The following ADGRL3 variants were observed in gnomAD, a reference collection of about 807,000 sequenced individuals.
ADGRL3 encodes adhesion G protein-coupled receptor L3.
Under a neutral mutation model 153.5 loss-of-function variants are expected in ADGRL3, and 62 were observed. That is an observed-to-expected ratio of 0.40 (90% CI 0.33 to 0.50). ADGRL3 has a LOEUF of 0.50. Ranked by LOEUF, ADGRL3 falls within the 20% of genes least tolerant of loss-of-function variation. The probability of loss-of-function intolerance (pLI) is 0.47; values close to 1 mark genes in which losing one functional copy is unlikely to be tolerated. For synonymous variants in ADGRL3, 710 were observed against 672.5 expected (o/e 1.06, Z -0.86); for missense variants, 1,641 against 1,859.4 (o/e 0.88, Z 2.16).
chr4:61,489,012 T>G (rs761269806), intron 2 of ADGRL3, among the ~76,000 whole-genome samples: 104 of 152,098 alleles, frequency 6.8e-4, no homozygotes, highest in Non-Finnish European at 1.3e-3. Context: ...TCATTTACCA[T>G]TTATGACCCC....
chr4:61,238,144 A>G (rs1368558428), intron 1 of ADGRL3, among the ~76,000 whole-genome samples: 1 of 152,196 alleles, frequency 6.6e-6, no homozygotes, highest in Non-Finnish European at 1.5e-5. Flanking sequence ...TTGAACAGTA[A>G]TTAGCATTTG....
intron 21 of ADGRL3, among the ~76,000 whole-genome samples, chr4:62,000,171 T>C (rs1359883376): frequency 6.6e-6 from 1 of 151,738 alleles, no homozygotes; most frequent in Non-Finnish European, 1.5e-5. Context: ...CTATCAGAAA[T>C]AAGGGAATAA....
At chr4:62,055,758 T>A (rs1368621724) in intron 25 of ADGRL3, among the ~76,000 whole-genome samples, 1 of 151,774 alleles carries the variant, frequency 6.6e-6, no homozygotes, top group South Asian at 2.1e-4. Context: ...AATCATTGTT[T>A]GTACTTTCTG....
chr4:61,532,718 G>T (rs148986611), intron 4 of ADGRL3, among the ~76,000 whole-genome samples: 2 of 150,838 alleles, frequency 1.3e-5, no homozygotes, highest in African/African-American at 4.9e-5. Context: ...GAGTAAAACC[G>T]ATAGTAACAC....
intron 9 of ADGRL3, among the ~76,000 whole-genome samples, chr4:61,889,480 G>A (rs1394574850): frequency 6.6e-6 from 1 of 152,144 alleles, no homozygotes; most frequent in African/African-American, 2.4e-5. Context: ...AGGGCAGACA[G>A]AAACCATTTA....
intron 8 of ADGRL3, among the ~76,000 whole-genome samples, chr4:61,799,774 C>A (rs986417729): frequency 2.3e-4 from 35 of 152,066 alleles, no homozygotes; most frequent in African/African-American, 8.5e-4. Context: ...GTCTCAGAGG[C>A]AGCAACTGTG....
At chr4:61,434,571 G>C (rs977562969) in intron 2 of ADGRL3, among the ~76,000 whole-genome samples, 3 of 151,762 alleles carry the variant, frequency 2.0e-5, no homozygotes, top group Non-Finnish European at 4.4e-5. Context: ...CACACAGAAT[G>C]GTTTCTTTCT....
chr4:61,285,171 A>G (rs1445958583), intron 1 of ADGRL3, among the ~76,000 whole-genome samples: 1 of 151,918 alleles, frequency 6.6e-6, no homozygotes, highest in East Asian at 1.9e-4. Context: ...CATAAAAAAT[A>G]TCGTATCACT....
At chr4:61,218,770 T>C (rs952000997) in intron 1 of ADGRL3, among the ~76,000 whole-genome samples, 41 of 152,340 alleles carry the variant, frequency 2.7e-4, no homozygotes, top group African/African-American at 8.9e-4. Context: ...AGCTCAGTTC[T>C]TGTGAGGAAC....
intron 2 of ADGRL3, among the ~76,000 whole-genome samples, chr4:61,471,167 A>G (rs2097947970): frequency 6.6e-6 from 1 of 151,750 alleles, no homozygotes; most frequent in Non-Finnish European, 1.5e-5. Context: ...CTGTGCTTGC[A>G]AGTATTTACT....
chr4:61,936,485 A>G (rs988713987), intron 15 of ADGRL3, among the ~76,000 whole-genome samples: 1 of 152,120 alleles, frequency 6.6e-6, no homozygotes. Context: ...CAAAGCATAC[A>G]AACATTTAAA....
intron 1 of ADGRL3, among the ~76,000 whole-genome samples, chr4:61,343,893 C>T (rs999531684): frequency 6.6e-6 from 1 of 152,154 alleles, no homozygotes; most frequent in Non-Finnish European, 1.5e-5. Context: ...TTATCTTTAG[C>T]ATTATTTACT....
intron 21 of ADGRL3, among the ~76,000 whole-genome samples, chr4:62,012,192 G>C (rs929754367): frequency 6.6e-6 from 1 of 152,096 alleles, no homozygotes; most frequent in South Asian, 2.1e-4. Context: ...AGGCATTGAA[G>C]TTAAACATTC....
At chr4:61,534,304 A>G (rs1225162899) in intron 4 of ADGRL3, among the ~76,000 whole-genome samples, 2 of 152,084 alleles carry the variant, frequency 1.3e-5, no homozygotes, top group East Asian at 1.9e-4. Context: ...TGGCCTATGT[A>G]TCTACATTTA....
At chr4:61,224,034 A>G (rs555301569) in intron 1 of ADGRL3, among the ~76,000 whole-genome samples, 16 of 152,212 alleles carry the variant, frequency 1.1e-4, no homozygotes, top group Admixed American at 7.2e-4. Flanking sequence ...TTTAAAAATT[A>G]TTAAATTTTA....
intron 2 of ADGRL3, among the ~76,000 whole-genome samples, chr4:61,411,188 G>T (rs541664784): frequency 6.6e-6 from 1 of 152,070 alleles, no homozygotes; most frequent in Non-Finnish European, 1.5e-5. Flanking sequence ...TATAACAAAA[G>T]AACATTTCTG....
chr4:61,466,448 A>T (rs1285076465), intron 2 of ADGRL3, among the ~76,000 whole-genome samples: 1 of 152,218 alleles, frequency 6.6e-6, no homozygotes, highest in Non-Finnish European at 1.5e-5. Flanking sequence ...CTATAATTCC[A>T]TTGTAGAAAT....
At chr4:61,599,695 T>C (rs2099003113) in intron 5 of ADGRL3, among the ~76,000 whole-genome samples, 1 of 152,096 alleles carries the variant, frequency 6.6e-6, no homozygotes, top group South Asian at 2.1e-4. Context: ...GAGTAATTAT[T>C]TTAGGTATTA....
chr4:61,472,993 A>G (rs1197873956), intron 2 of ADGRL3, among the ~76,000 whole-genome samples: 1 of 152,152 alleles, frequency 6.6e-6, no homozygotes, highest in Non-Finnish European at 1.5e-5. Flanking sequence ...TGTCAGTGCT[A>G]CAAATAAATT....
Sources: allele counts gnomAD v4.1 joint callset (sites outside exome capture counted in the v4.1 genomes callset), GRCh38; gene constraint gnomAD v4.1.1; transcripts MANE v1.5; gene names NCBI Gene and HGNC (gene_info 2026-07-23, HGNC 2026-07-21).